The following ATP8A2 variants were observed in gnomAD, a reference collection of about 807,000 sequenced individuals.
ATP8A2 encodes ATPase phospholipid transporting 8A2, also known as phospholipid-transporting ATPase IB.
ATP8A2 carries 100 observed loss-of-function variants against 165.6 expected under a neutral mutation model. The ratio of observed to expected loss-of-function variants is 0.60; its 90% confidence interval spans 0.51 to 0.71. The LOEUF (loss-of-function observed/expected upper bound fraction) is 0.71. Among genes scored for constraint, ATP8A2 ranks in the 30% least tolerant of loss-of-function variants. The pLI is 0.00. For missense variants in ATP8A2, 1,227 were observed against 1,479.5 expected, an observed-to-expected ratio of 0.83 and a Z score of 2.80; for synonymous variants, 543 against 548.8, an observed-to-expected ratio of 0.99 and a Z score of 0.15.
intron 1 of ATP8A2, among the ~76,000 whole-genome samples, chr13:25,453,017 C>T (rs1165634333): frequency 1.3e-5 from 2 of 151,824 alleles, no homozygotes; most frequent in Non-Finnish European, 2.9e-5. Context: ...ATCGCTTGAG[C>T]CCAGGAGGCA....
chr13:25,889,007 C>T (rs1424994322), intron 33 of ATP8A2, among the ~76,000 whole-genome samples: 3 of 151,954 alleles, frequency 2.0e-5, no homozygotes, highest in Non-Finnish European at 4.4e-5. Flanking sequence ...TTTTTTCCTA[C>T]AATCTGTCAA....
At chr13:25,797,456 A>T (rs1950519596) in intron 27 of ATP8A2, among the ~76,000 whole-genome samples, 1 of 152,170 alleles carries the variant, frequency 6.6e-6, no homozygotes, top group Admixed American at 6.5e-5. Context: ...AAATTTTATT[A>T]AAAAATAAAA....
intron 27 of ATP8A2, among the ~76,000 whole-genome samples, chr13:25,780,720 C>G (rs2044854623): frequency 6.6e-6 from 1 of 152,016 alleles, no homozygotes; most frequent in Admixed American, 6.6e-5. Flanking sequence ...ATCATTAGAT[C>G]CTCATAAGGA....
At chr13:25,562,194 C>T (rs1408736880) in intron 15 of ATP8A2, among the ~76,000 whole-genome samples, 5 of 152,058 alleles carry the variant, frequency 3.3e-5, no homozygotes, top group Admixed American at 6.6e-5. Flanking sequence ...GAGGAAAAAC[C>T]GTGCTATTTT....
At chr13:25,674,700 C>T (rs2042337165) in intron 24 of ATP8A2, among the ~76,000 whole-genome samples, 2 of 152,202 alleles carry the variant, frequency 1.3e-5, no homozygotes, top group Admixed American at 6.5e-5. Flanking sequence ...ACATTTTCCC[C>T]ACCCGGAGAT....
intron 36 of ATP8A2, 109 bp downstream of exon 36, chr13:26,012,731 G>A (rs1211642875): frequency 2.3e-6 from 1 of 427,778 alleles, no homozygotes; most frequent in Non-Finnish European, 4.0e-6. Flanking sequence ...GAGTGCTGAC[G>A]GGGGGTGGGG....
chr13:25,723,255 T>C (rs2043420530), intron 25 of ATP8A2, among the ~76,000 whole-genome samples: 1 of 152,230 alleles, frequency 6.6e-6, no homozygotes. Flanking sequence ...CTTATATTCT[T>C]AAGTGAATTA....
rs563774306 is a variant in ATP8A2, at chr13:25,481,031, C to T, written c.221+11910C>T. 2.6e-5 allele frequency among the ~76,000 whole-genome samples: 4 copies of T among 152,260 alleles called. No individual in the cohort carries two copies. The East Asian group carries it at 7.7e-4, about 29-fold the overall frequency. ...ACCAGTCAGGCGTGGCAGCGCGCGC[C>T]TGCAATCACAGGCACTAGGCAGGCT... On this transcript the variant is annotated intron_variant, in intron 2 of 36. Transcript: ENST00000381655.
chr13:26,024,646 C>A lies in ATP8A2; in HGVS notation c.*4661C>A, dbSNP rs1403951875. The A allele has an allele frequency of 2.0e-5, 3 of 152,210 alleles. No individual in the cohort carries two copies. The highest frequency in any genetic ancestry group is 7.2e-5 in the African/African-American group (3 of 41,454). The allele number at this position is 152,210 out of a possible 1,614,324, so 9.4% of individuals were successfully genotyped here. ...ACTGAGGAGAGACAAAAGAGGGATTCTTTTTACACCCAGGCTGGCGCATTT... is the reference window on the plus strand; with the variant it reads ...ACTGAGGAGAGACAAAAGAGGGATTATTTTTACACCCAGGCTGGCGCATTT... On this transcript the variant is annotated 3_prime_UTR_variant, in exon 37 of 37. Coordinates refer to ENST00000381655, the MANE Select transcript of ATP8A2 (RefSeq NM_016529.6).
intron 1 of ATP8A2, among the ~76,000 whole-genome samples, chr13:25,378,397 G>A (rs1316587606): frequency 6.8e-6 from 1 of 147,498 alleles, no homozygotes; most frequent in Non-Finnish European, 1.5e-5. Context: ...TGCCCATTTT[G>A]CTTTCCATCA....
chr13:25,975,152 CAG>C (rs1432507671), intron 35 of ATP8A2, among the ~76,000 whole-genome samples: 2 of 152,194 alleles, frequency 1.3e-5, no homozygotes, highest in African/African-American at 4.8e-5. Context: ...GTGGGCTACT[CAG>C]GGGCAGCAGG....
intron 35 of ATP8A2, among the ~76,000 whole-genome samples, chr13:25,977,935 A>G (rs572248217): frequency 5.3e-5 from 8 of 152,308 alleles, no homozygotes; most frequent in Admixed American, 1.3e-4. Context: ...CTCAGGCTGT[A>G]TTTCCAGGAT....
chr13:25,931,257 T>C (rs1954762448), intron 33 of ATP8A2, among the ~76,000 whole-genome samples: 1 of 152,216 alleles, frequency 6.6e-6, no homozygotes, highest in Non-Finnish European at 1.5e-5. Flanking sequence ...TCAGGTTATG[T>C]CTGTGAGGTA....
chr13:25,937,330 T>C (rs1395794926), intron 33 of ATP8A2, among the ~76,000 whole-genome samples: 2 of 146,232 alleles, frequency 1.4e-5, no homozygotes, highest in Non-Finnish European at 3.0e-5. Flanking sequence ...TGGCATTTTA[T>C]TTTTTTTGCT....
At chr13:25,450,184 A>G (rs1199196260) in intron 1 of ATP8A2, among the ~76,000 whole-genome samples, 2 of 152,174 alleles carry the variant, frequency 1.3e-5, no homozygotes, top group Admixed American at 6.5e-5. Flanking sequence ...ATAGTATTTC[A>G]TGGTATATAT....
chr13:25,951,692 G>GTA (rs1410957964), intron 33 of ATP8A2, among the ~76,000 whole-genome samples: 1 of 152,100 alleles, frequency 6.6e-6, no homozygotes, highest in African/African-American at 2.4e-5. Context: ...CATACTGGGG[G>GTA]TGCTTTTGAG....
chr13:25,722,623 T>A (rs1566078222), intron 25 of ATP8A2, among the ~76,000 whole-genome samples: 1 of 151,960 alleles, frequency 6.6e-6, no homozygotes, highest in East Asian at 1.9e-4. Context: ...TTATTATTAG[T>A]AACACACACT....
chr13:25,483,854 C>G (rs1354467947), intron 2 of ATP8A2, among the ~76,000 whole-genome samples: 1 of 152,220 alleles, frequency 6.6e-6, no homozygotes, highest in African/African-American at 2.4e-5. Flanking sequence ...GAATGTTGTT[C>G]TTCTTTGCCA....
chr13:25,559,060 G>GATA lies in ATP8A2; in HGVS notation c.1351_1352insATA (p.Gly451delinsAspSer). ...GTGCAGCATTGCCGGAGTAACCTATGGGTCAGTGTGTTTATCATTTACTGA... is the reference window on the plus strand; with the variant it reads ...GTGCAGCATTGCCGGAGTAACCTATGATAGGTCAGTGTGTTTATCATTTACTGA... On this transcript the variant is annotated protein_altering_variant and splice_region_variant, in exon 14 of 37. Coordinates refer to ENST00000381655, the MANE Select transcript of ATP8A2 (RefSeq NM_016529.6). 1 of 1,596,090 alleles carries GATA rather than the reference G, an allele frequency of 6.3e-7. No individual in the cohort carries two copies. The highest frequency in any genetic ancestry group is 8.6e-7 in the Non-Finnish European group (1 of 1,167,574).
Sources: allele counts gnomAD v4.1 joint callset (sites outside exome capture counted in the v4.1 genomes callset), GRCh38; gene constraint gnomAD v4.1.1; transcripts MANE v1.5; gene names NCBI Gene and HGNC (gene_info 2026-07-23, HGNC 2026-07-21).